Variants in URI1 observed in about 807,000 individuals in gnomAD.
URI1 encodes URI1 prefoldin like chaperone.
Under a neutral mutation model 60.2 loss-of-function variants are expected in URI1, and 39 were observed. The observed-to-expected ratio is 0.65, with a 90% CI of 0.50 to 0.85. The LOEUF is 0.85. Among genes scored for constraint, URI1 ranks in the 40% least tolerant of loss-of-function variants. URI1 has a pLI of 0.00. For synonymous variants in URI1, 251 were observed against 236.8 expected, an observed-to-expected ratio of 1.06 and a Z score of -0.55; for missense variants, 691 against 665.9, an observed-to-expected ratio of 1.04 and a Z score of -0.42.
chr19:29,952,342 T>A (rs999436307), intron 1 of URI1, among the ~76,000 whole-genome samples: 2 of 152,238 alleles, frequency 1.3e-5, no homozygotes, highest in African/African-American at 4.8e-5. Flanking sequence ...TCTTGCATCA[T>A]GAAGTCTTTC....
intron 1 of URI1, chr19:29,956,326 G>A (rs1439591083): frequency 1.4e-6 from 1 of 732,472 alleles, no homozygotes; most frequent in African/African-American, 1.9e-5. Flanking sequence ...AAATCAATAG[G>A]TCTTTTATTG....
rs1227041233 is a variant in URI1 at position 30,007,525 on chromosome 19, T to A, written c.573T>A (p.Phe191Leu). The change falls in exon 7 of 11, where the codon TTT becomes TTA. Residue 191 changes from phenylalanine to leucine, a missense_variant. Phe to Leu is a conservative substitution (Grantham distance 22). Transcript: ENST00000392271. ...PHSKPKTSDI[F>L]EADIANDVKS... ...CCAAACCAAAAACTTCAGATATTTT[T>A]GAAGCAGATATTGCAAATGATGTGA... The A allele has an allele frequency of 6.2e-7, 1 of 1,613,550 alleles. No homozygotes were observed. Among genetic ancestry groups the A allele is most frequent in the Non-Finnish European group, 8.5e-7 (1 of 1,179,630 alleles).
intron 2 of URI1, among the ~76,000 whole-genome samples, chr19:29,978,354 C>T (rs1373334625): frequency 6.6e-6 from 1 of 152,142 alleles, no homozygotes; most frequent in Non-Finnish European, 1.5e-5. Context: ...GTTCAGTTTC[C>T]CATGACCAGC....
chr19:29,935,313 C>A (rs1375765095), intron 1 of URI1, among the ~76,000 whole-genome samples: 3 of 152,112 alleles, frequency 2.0e-5, no homozygotes, highest in African/African-American at 7.2e-5. Flanking sequence ...CTTTCCCTCC[C>A]TCTTTATATT....
At chr19:29,969,306 G>A (rs1037252873) in intron 1 of URI1, among the ~76,000 whole-genome samples, 1 of 152,176 alleles carries the variant, frequency 6.6e-6, no homozygotes, top group Non-Finnish European at 1.5e-5. Flanking sequence ...AGAATGGCCG[G>A]AACGAAGTGG....
chr19:30,012,229 G>A, intron 9 of URI1, 56 bp from the exon 10 acceptor site: 2 of 1,499,340 alleles, frequency 1.3e-6, no homozygotes, highest in Non-Finnish European at 8.9e-7. Context: ...TCAAAAAGTT[G>A]TTCTCAGTTT....
In URI1 at chr19:29,987,454, T is replaced by C. The variant is rs186011396; in HGVS notation, c.367+1037T>C. ...TTTTGTGACACTAATCAGAATCTTA[T>C]TGTTAGGCCTGTATGTAATTTCTGG... On this transcript the variant is annotated intron_variant, in intron 4 of 10. Coordinates refer to ENST00000392271, the MANE Select transcript of URI1 (RefSeq NM_003796.3). Among the ~76,000 whole-genome samples the C allele has an allele frequency of 2.2e-3, 334 of 152,310 alleles. 1 individual carries two copies. The highest frequency in any genetic ancestry group is 7.7e-3 in the African/African-American group (322 of 41,582).
At chr19:29,958,130 C>T (rs779542324) in intron 1 of URI1, 1 of 152,102 alleles carries the variant, frequency 6.6e-6, no homozygotes, top group Non-Finnish European at 1.5e-5. Flanking sequence ...CCTGTACATT[C>T]TGATAGTATC....
intron 1 of URI1, among the ~76,000 whole-genome samples, chr19:29,970,035 A>C (rs1293955680): frequency 1.3e-5 from 2 of 151,000 alleles, no homozygotes; most frequent in African/African-American, 4.9e-5. Context: ...TTTCTGTCTT[A>C]GTATTTAAAA....
At position 30,016,424 on chromosome 19, in the gene URI1, A is replaced by G. The variant is rs986972799; in HGVS notation, c.*1355A>G. 4 of 152,094 alleles carry G rather than the reference A, an allele frequency of 2.6e-5. No individual in the cohort carries two copies. The highest frequency in any genetic ancestry group is 4.8e-5 in the African/African-American group (2 of 41,448). The allele number at this position is 152,094 out of a possible 1,614,324, so 9.4% of individuals were successfully genotyped here. A position where few individuals can be genotyped will look rare whatever the true frequency, so the allele number is the denominator to read the frequency against. On this transcript the variant is annotated 3_prime_UTR_variant, in exon 11 of 11. Transcript: ENST00000392271. ...GGTAAATCTTTCAGTCCATGCCCCA[A>G]CCCTCACCAAAACCAAAGCAGAAAT...
intron 1 of URI1, among the ~76,000 whole-genome samples, chr19:29,932,992 C>G (rs1212251619): frequency 2.0e-5 from 3 of 152,146 alleles, no homozygotes. Context: ...ACCATTGTGT[C>G]TCTGGAATAA....
At chr19:29,947,135 C>G (rs998044874) in intron 1 of URI1, among the ~76,000 whole-genome samples, 2 of 152,122 alleles carry the variant, frequency 1.3e-5, no homozygotes, top group Admixed American at 1.3e-4. Flanking sequence ...AGCTTTCTAG[C>G]CAGTATGAGA....
chr19:29,944,032 G>C (rs987189345), intron 1 of URI1, among the ~76,000 whole-genome samples: 3 of 149,006 alleles, frequency 2.0e-5, no homozygotes, highest in African/African-American at 7.4e-5. Flanking sequence ...CCACGTACTT[G>C]GGAGGCTGAG....
At chr19:29,942,140 G>GC, upstream of URI1, 1 of 892,886 alleles carries the variant, frequency 1.1e-6, no homozygotes, top group Non-Finnish European at 1.3e-6. Context: ...CACGCGGTTC[G>GC]CATCAAGCGC....
intron 1 of URI1, among the ~76,000 whole-genome samples, chr19:29,959,389 A>G (rs762390155): frequency 5.3e-5 from 8 of 152,212 alleles, no homozygotes; most frequent in Admixed American, 2.6e-4. Flanking sequence ...TGGCTTCCCA[A>G]AATGATGGAC....
chr19:30,001,105 A>G (rs575140786), intron 4 of URI1, among the ~76,000 whole-genome samples: 1 of 151,072 alleles, frequency 6.6e-6, no homozygotes, highest in South Asian at 2.1e-4. Flanking sequence ...CATTTCCTCC[A>G]TGTTTCTTTT....
intron 4 of URI1, 46 bp from the exon 5 acceptor site, chr19:30,005,315 C>A: frequency 9.2e-7 from 1 of 1,089,522 alleles, no homozygotes; most frequent in Non-Finnish European, 1.4e-6. Flanking sequence ...TCCTACAGGT[C>A]GTATATATGC....
intron 1 of URI1, chr19:29,923,879 T>A: frequency 2.0e-6 from 2 of 979,396 alleles, no homozygotes; most frequent in African/African-American, 1.6e-5. Context: ...GCTGTAGACA[T>A]AGCTATAGAC....
rs60318567 is a variant in URI1 at position 29,988,156 on chromosome 19, A to G, written c.367+1739A>G. Among the ~76,000 whole-genome samples, 73 of 109,272 alleles carry G rather than the reference A, an allele frequency of 6.7e-4. No individual in the cohort carries two copies. In the East Asian group the frequency reaches 0.019, roughly 29 times the overall value. 71.7% of individuals were successfully genotyped at this position (109,272 alleles called of 152,430 possible). On this transcript the variant is annotated intron_variant, in intron 4 of 10. Coordinates refer to ENST00000392271, the MANE Select transcript of URI1 (RefSeq NM_003796.3). ...GCACTCCAGCCTGGGCAACAAAGCGAAATTTTGTCTCAAAAAAAAAAAAAA... is the reference window on the plus strand; with the variant it reads ...GCACTCCAGCCTGGGCAACAAAGCGGAATTTTGTCTCAAAAAAAAAAAAAA...
Sources: gnomAD v4.1 joint callset for allele counts (sites outside exome capture counted in the v4.1 genomes callset) on GRCh38, gnomAD v4.1.1 for gene constraint, MANE v1.5 for transcripts, NCBI Gene and HGNC (gene_info 2026-07-23, HGNC 2026-07-21) for gene names.